PRKG1: variants seen among roughly 807,000 people sequenced by gnomAD.
The protein encoded by PRKG1 is cGMP-dependent protein kinase 1.
A neutral mutation model predicts 88.1 loss-of-function variants in PRKG1; 35 were observed. That is an observed-to-expected ratio of 0.40 (90% confidence interval 0.30 to 0.53). The LOEUF is 0.53. Among genes scored for constraint, PRKG1 ranks in the 20% least tolerant of loss-of-function variants. The pLI is 0.59. For missense variants in PRKG1, 540 were observed against 839.8 expected, an observed-to-expected ratio of 0.64 and a Z score of 4.41; for synonymous variants, 303 against 292.5, an observed-to-expected ratio of 1.04 and a Z score of -0.37.
intron 2 of PRKG1, among the ~76,000 whole-genome samples, chr10:51,353,818 A>C (rs1842304759): frequency 6.6e-6 from 1 of 152,184 alleles, no homozygotes; most frequent in Non-Finnish European, 1.5e-5. Context: ...AAGAAAGGAA[A>C]TTAGTAAATC....
At chr10:52,094,551 C>T (rs1847131240) in intron 7 of PRKG1, among the ~76,000 whole-genome samples, 1 of 152,118 alleles carries the variant, frequency 6.6e-6, no homozygotes, top group Admixed American at 6.5e-5. Flanking sequence ...CTATCTTAGT[C>T]TGCTCAAGCT....
rs1273137289 is a variant in PRKG1 at position 52,297,975 on chromosome 10, C to CAGAG, written c.*4076_*4079dup. On this transcript the variant is annotated 3_prime_UTR_variant, in exon 18 of 18. Coordinates refer to ENST00000373980, the MANE Select transcript of PRKG1 (RefSeq NM_006258.4). ...TCCTCTCTGCCCCTGAATCAACAGA[C>CAGAG]AGAGCTCTGGGACCTTGGCAATGAC... 6 of 152,192 alleles carry CAGAG rather than the reference C, an allele frequency of 3.9e-5. No homozygotes were observed. The highest frequency in any genetic ancestry group is 1.4e-4 in the African/African-American group (6 of 41,446). 9.4% of individuals were successfully genotyped at this position (152,192 alleles called of 1,614,324 possible).
rs183345257 is a variant in PRKG1 at position 51,689,469 on chromosome 10, G to A, written c.593-115116G>A. ...ATAAATATAACATGGGCATAATGAA[G>A]AGTAACTCATTCATGACAATCATCA... On this transcript the variant is annotated intron_variant, in intron 3 of 17. Transcript: ENST00000373980. 1.3e-4 allele frequency among the ~76,000 whole-genome samples: 20 copies of A among 152,250 alleles called. No individual in the cohort carries two copies. The East Asian group carries it at 3.9e-3, about 29-fold the overall frequency.
intron 4 of PRKG1, among the ~76,000 whole-genome samples, chr10:51,819,389 C>T (rs1358629157): frequency 1.3e-5 from 2 of 152,148 alleles, no homozygotes; most frequent in African/African-American, 2.4e-5. Flanking sequence ...TAGGCCCCAC[C>T]TCCAACACTG....
At chr10:51,499,560 T>A (rs766284167) in intron 3 of PRKG1, among the ~76,000 whole-genome samples, 12 of 152,140 alleles carry the variant, frequency 7.9e-5, no homozygotes, top group Non-Finnish European at 1.8e-4. Context: ...CAGCCTCTAA[T>A]GTTCATTTTA....
chr10:51,013,174 A>ATT (rs57223909), intron 1 of PRKG1, among the ~76,000 whole-genome samples: 3 of 152,226 alleles, frequency 2.0e-5, no homozygotes, highest in African/African-American at 7.2e-5. Context: ...TTTTACACTT[A>ATT]TTTTTCATCT....
In PRKG1 at chr10:52,297,566, G is replaced by C. The variant is rs1454425000; in HGVS notation, c.*3666G>C. On this transcript the variant is annotated 3_prime_UTR_variant, in exon 18 of 18. Coordinates refer to ENST00000373980, the MANE Select transcript of PRKG1 (RefSeq NM_006258.4). ...TATTTCTGTTAAATGTACCAGAGCT[G>C]TGTATCTGTTAATGAGATACAGCGT... 2 of 152,122 alleles carry C rather than the reference G, an allele frequency of 1.3e-5. No homozygotes were observed. The highest frequency in any genetic ancestry group is 2.4e-5 in the African/African-American group (1 of 41,440). 9.4% of individuals were successfully genotyped at this position (152,122 alleles called of 1,614,324 possible). A position where few individuals can be genotyped will look rare whatever the true frequency, so the allele number is the denominator to read the frequency against.
chr10:51,787,644 T>G lies in PRKG1; in HGVS notation c.593-16941T>G, dbSNP rs557442000. Among the ~76,000 whole-genome samples the G allele has an allele frequency of 2.7e-3, 409 of 152,282 alleles. 1 individual carries two copies. The highest frequency in any genetic ancestry group is 5.2e-3 in the Non-Finnish European group (357 of 68,012). Reference sequence around the variant, plus strand: ...TTAGTAAGTATACATTCTCAAATGGTGCGAGCAAATATTTGACTATCCCTG... The same window carrying G: ...TTAGTAAGTATACATTCTCAAATGGGGCGAGCAAATATTTGACTATCCCTG... On this transcript the variant is annotated intron_variant, in intron 3 of 17. Coordinates refer to ENST00000373980, the MANE Select transcript of PRKG1 (RefSeq NM_006258.4).
intron 2 of PRKG1, among the ~76,000 whole-genome samples, chr10:51,309,115 T>G (rs1371347475): frequency 6.6e-6 from 1 of 152,182 alleles, no homozygotes; most frequent in African/African-American, 2.4e-5. Flanking sequence ...ATGAACAGTC[T>G]TCCAGTTGGT....
At chr10:51,761,464 C>G (rs1017893343) in intron 3 of PRKG1, among the ~76,000 whole-genome samples, 54 of 152,180 alleles carry the variant, frequency 3.5e-4, no homozygotes, top group African/African-American at 1.3e-3. Context: ...GCTGTCCAAT[C>G]TACTTGAATG....
chr10:51,670,304 A>G (rs1335544811), intron 3 of PRKG1, among the ~76,000 whole-genome samples: 1 of 152,020 alleles, frequency 6.6e-6, no homozygotes, highest in Non-Finnish European at 1.5e-5. Flanking sequence ...AAGTATACGT[A>G]CAGCATTATT....
At chr10:52,068,897 C>T (rs1846426426) in intron 7 of PRKG1, among the ~76,000 whole-genome samples, 1 of 152,148 alleles carries the variant, frequency 6.6e-6, no homozygotes, top group African/African-American at 2.4e-5. Flanking sequence ...AGAGTTGGCC[C>T]TTTTCCACCT....
At chr10:52,146,317 T>A (rs929253006) in intron 8 of PRKG1, among the ~76,000 whole-genome samples, 2 of 152,194 alleles carry the variant, frequency 1.3e-5, no homozygotes, top group African/African-American at 4.8e-5. Flanking sequence ...TTTCGTGTCC[T>A]TAAATAGTGA....
intron 8 of PRKG1, among the ~76,000 whole-genome samples, chr10:52,160,413 C>T (rs549264007): frequency 1.3e-5 from 2 of 152,022 alleles, no homozygotes; most frequent in South Asian, 2.1e-4. Flanking sequence ...CAATTAATTA[C>T]AGAAAGCTTT....
intron 3 of PRKG1, among the ~76,000 whole-genome samples, chr10:51,781,212 C>A (rs1273967040): frequency 6.6e-6 from 1 of 151,964 alleles, no homozygotes; most frequent in East Asian, 1.9e-4. Context: ...AATATTAAAA[C>A]AAAAACAAAA....
chr10:52,263,731 T>C (rs1013445182), intron 10 of PRKG1, among the ~76,000 whole-genome samples: 42 of 151,778 alleles, frequency 2.8e-4, no homozygotes, highest in African/African-American at 9.9e-4. Context: ...TCCACCACCA[T>C]GCCCGACTAA....
chr10:51,216,898 C>G (rs1248930058), intron 2 of PRKG1, among the ~76,000 whole-genome samples: 2 of 152,040 alleles, frequency 1.3e-5, no homozygotes, highest in East Asian at 1.9e-4. Flanking sequence ...ACCTTGTTCC[C>G]CCAAATGCTT....
intron 4 of PRKG1, among the ~76,000 whole-genome samples, chr10:51,862,747 C>T (rs1840915552): frequency 6.6e-6 from 1 of 152,090 alleles, no homozygotes; most frequent in Admixed American, 6.5e-5. Context: ...GGGGACCTAC[C>T]TCTGTCTGCC....
chr10:52,296,102 G>A lies in PRKG1; in HGVS notation c.*2202G>A, dbSNP rs575970007. 1 of 152,166 alleles carries A rather than the reference G, an allele frequency of 6.6e-6. No homozygotes were observed. Among genetic ancestry groups the A allele is most frequent in the East Asian group, 1.9e-4 (1 of 5,182 alleles). 9.4% of individuals were successfully genotyped at this position (152,166 alleles called of 1,614,324 possible). On this transcript the variant is annotated 3_prime_UTR_variant, in exon 18 of 18. Transcript: ENST00000373980. Reference sequence around the variant, plus strand: ...GAATGTTCAGTAACTTTTGTTGAAAGATAATGTGGTTTAGGCTTGCTAAAG... The same window carrying A: ...GAATGTTCAGTAACTTTTGTTGAAAAATAATGTGGTTTAGGCTTGCTAAAG...
Sources: gnomAD v4.1 joint callset for allele counts (sites outside exome capture counted in the v4.1 genomes callset) on GRCh38, gnomAD v4.1.1 for gene constraint, MANE v1.5 for transcripts, NCBI Gene and HGNC (gene_info 2026-07-23, HGNC 2026-07-21) for gene names.